LCN9: variants seen among roughly 807,000 people sequenced by gnomAD.
The protein encoded by LCN9 is lipocalin 9.
Under a neutral mutation model 18.5 loss-of-function variants are expected in LCN9, and 22 were observed. The observed-to-expected ratio is 1.19, with a 90% CI of 0.85 to 1.70. LCN9 has a LOEUF of 1.70. LCN9 is among the 40% of genes most tolerant of loss of function. The probability of loss-of-function intolerance (pLI) is 0.00; values close to 1 mark genes in which losing one functional copy is unlikely to be tolerated. For missense variants in LCN9, 202 were observed against 201.3 expected (o/e 1.00, Z -0.02); for synonymous variants, 89 against 83.0 (o/e 1.07, Z -0.39).
At chr9:135,666,387 T>C (rs1489558061) in exon 6 of LCN9, 6 of 458,670 alleles carry the variant, frequency 1.3e-5, no homozygotes, top group East Asian at 1.2e-4. Flanking sequence ...ACACTTGTCA[T>C]TGGATTTCGG....
At chr9:135,663,471 T>C in intron 1 of LCN9, 54 bp downstream of exon 1, 1 of 1,528,614 alleles carries the variant, frequency 6.5e-7, no homozygotes, top group Admixed American at 1.7e-5. Flanking sequence ...GGCACCTGTC[T>C]TCCCCCAGCC....
chr9:135,664,925 G>A lies in LCN9; in HGVS notation c.307+130G>A. 1 of 1,001,300 alleles carries A rather than the reference G, an allele frequency of 1.0e-6. No individual in the cohort carries two copies. Among genetic ancestry groups the A allele is most frequent in the Middle Eastern group, 2.4e-4 (1 of 4,098 alleles). The allele number at this position is 1,001,300 out of a possible 1,614,324, so 62.0% of individuals were successfully genotyped here. Reference sequence around the variant, plus strand: ...CCCCTGACAGCTTGACCCTGAACTGGAGGGACCCATCCTGGCACCTACCCA... The same window carrying A: ...CCCCTGACAGCTTGACCCTGAACTGAAGGGACCCATCCTGGCACCTACCCA... On this transcript the variant is annotated intron_variant, in intron 3 of 5. Coordinates refer to ENST00000619315, the Ensembl canonical transcript of LCN9. This position sits in a 1 kb window ranked among gnomAD's most constrained non-coding sequence, Gnocchi z 4.5.
chr9:135,666,026 A>G (rs1196817586), exon 6 of LCN9: 37 of 1,599,704 alleles, frequency 2.3e-5, no homozygotes, highest in Non-Finnish European at 3.1e-5. Context: ...TGGGAACCGA[A>G]CACAAGGTGC....
chr9:135,666,936 G>A (rs1326233390), exon 6 of LCN9, among the ~76,000 whole-genome samples: 2 of 152,204 alleles, frequency 1.3e-5, no homozygotes, highest in East Asian at 1.9e-4. Context: ...CCATGTTTTG[G>A]TGAATAAAAG....
chr9:135,665,884 A>G lies in LCN9; in HGVS notation c.*33A>G. The stretch of plus-strand genomic sequence containing the variant: ...AGATCCCTGCTACTCCAAGCATTAC[A>G]GGAGCCCGCCCAGGCCTCCCATGCG... On this transcript the variant is annotated 3_prime_UTR_variant, in exon 6 of 6. Coordinates refer to ENST00000619315, the Ensembl canonical transcript of LCN9. The surrounding 1 kb of genome is among the most constrained non-coding windows in gnomAD (Gnocchi z 5.9). 6.2e-7 allele frequency: 1 copy of G among 1,612,748 alleles called. No homozygotes were observed. The highest frequency in any genetic ancestry group is 1.3e-5 in the African/African-American group (1 of 74,974).
exon 6 of LCN9, chr9:135,666,163 A>G: frequency 6.4e-7 from 1 of 1,567,404 alleles, no homozygotes; most frequent in South Asian, 1.2e-5. Context: ...ATGTCACCAT[A>G]TGCGGGTGAC....
At position 135,664,135 on chromosome 9, in the gene LCN9, C is replaced by T. The variant is rs551230149; in HGVS notation, c.97-27C>T. ...ATCCCCAGGGCTGTCCCGCGGCCCC[C>T]CACCCACTGGAGCTCTTTGTCTTCA... On this transcript the variant is annotated intron_variant, in intron 1 of 5. Transcript: ENST00000619315. The surrounding 1 kb of genome is among the most constrained non-coding windows in gnomAD (Gnocchi z 4.5). 71 of 1,611,648 alleles carry T rather than the reference C, an allele frequency of 4.4e-5. No homozygotes were observed. The highest frequency in any genetic ancestry group is 8.9e-5 in the East Asian group (4 of 44,816).
At position 135,664,194 on chromosome 9, in the gene LCN9, C is replaced by T. The variant is rs772280108; in HGVS notation, c.129C>T (p.Ala43=). 35 of 1,613,624 alleles carry T rather than the reference C, an allele frequency of 2.2e-5. No homozygotes were observed. Among genetic ancestry groups the T allele is most frequent in the Non-Finnish European group, 5.9e-6 (7 of 1,179,760 alleles). ...GGGTCTGGTATTCTATTTTCATGGC[C>T]TCAGATGACCTGAATCGGATTAAAG... is the stretch of plus-strand genomic sequence containing the variant. Residue 43 remains alanine, a synonymous_variant, in exon 2 of 6, where the codon GCC becomes GCT. Transcript: ENST00000619315. The surrounding 1 kb of genome is among the most constrained non-coding windows in gnomAD (Gnocchi z 4.5).
Position 135,664,232 on chromosome 9 carries a change from T to G in LCN9, c.167T>G (p.Leu56Arg). The change falls in exon 2 of 6, where the codon CTG becomes CGG. Residue 56 changes from leucine (L) to arginine (R), a missense_variant. Physicochemically the swap from Leu to Arg is moderately radical, Grantham distance 102 (BLOSUM62 -2). Coordinates refer to ENST00000619315, the Ensembl canonical transcript of LCN9. The surrounding 1 kb of genome is among the most constrained non-coding windows in gnomAD (Gnocchi z 4.5). ...AATCGGATTAAAGAAAATGGAGACC[T>G]GAGGGTCTTCGTCCGGAATATTGAA... 6.2e-7 allele frequency: 1 copy of G among 1,613,332 alleles called. No individual in the cohort carries two copies. Among genetic ancestry groups the G allele is most frequent in the Non-Finnish European group, 8.5e-7 (1 of 1,179,424 alleles).
At position 135,665,940 on chromosome 9, in the gene LCN9, G is replaced by T; in HGVS notation, c.*89G>T. On this transcript the variant is annotated 3_prime_UTR_variant, in exon 6 of 6. Coordinates refer to ENST00000619315, the Ensembl canonical transcript of LCN9. The surrounding 1 kb of genome is among the most constrained non-coding windows in gnomAD (Gnocchi z 5.9). ...TGCGACTCGGGACGGGCAGGGGGCT[G>T]GATGGGGAGAGCTTGGGGCCAACGT... is the stretch of plus-strand genomic sequence containing the variant. 1 of 1,605,310 alleles carries T rather than the reference G, an allele frequency of 6.2e-7. No individual in the cohort carries two copies. The highest frequency in any genetic ancestry group is 8.5e-7 in the Non-Finnish European group (1 of 1,177,950).
Position 135,665,147 on chromosome 9 carries a change from C to A in LCN9, c.308-98C>A. The A allele has an allele frequency of 1.2e-6, 1 of 858,866 alleles. No individual in the cohort carries two copies. The allele number at this position is 858,866 out of a possible 1,614,324, so 53.2% of individuals were successfully genotyped here. A position where few individuals can be genotyped will look rare whatever the true frequency, so the allele number is the denominator to read the frequency against. ...GCTCCTCCCCTCCCGCCTCAAAAGG[C>A]CACTTGACCCCCCATCCTCACTTGC... On this transcript the variant is annotated intron_variant, in intron 3 of 5. Coordinates refer to ENST00000619315, the Ensembl canonical transcript of LCN9. This position sits in a 1 kb window ranked among gnomAD's most constrained non-coding sequence, Gnocchi z 5.9.
exon 6 of LCN9, among the ~76,000 whole-genome samples, chr9:135,666,929 T>G (rs951867240): frequency 1.3e-5 from 2 of 151,772 alleles, no homozygotes; most frequent in Admixed American, 1.3e-4. Flanking sequence ...CCCGCCTCCA[T>G]GTTTTGGTGA....
At position 135,665,363 on chromosome 9, in the gene LCN9, C is replaced by T. The variant is rs768316985; in HGVS notation, c.418+8C>T. The T allele has an allele frequency of 1.3e-5, 21 of 1,580,496 alleles. No homozygotes were observed. The highest frequency in any genetic ancestry group is 6.7e-5 in the African/African-American group (5 of 74,086). ...ACACGCTGGCGCTCTATGGTACCTC[C>T]GCTGTCCCCCTCTGACCCCCTCGGG... is the stretch of plus-strand genomic sequence containing the variant. On this transcript the variant is annotated splice_region_variant and intron_variant, in intron 4 of 5. Transcript: ENST00000619315. This position sits in a 1 kb window ranked among gnomAD's most constrained non-coding sequence, Gnocchi z 5.9.
rs151041662 is a variant in LCN9, at chr9:135,665,379, C to A, written c.418+24C>A. ...TGGTACCTCCGCTGTCCCCCTCTGACCCCCTCGGGGACCCCACCTCCTCTG... is the reference window on the plus strand; with the variant it reads ...TGGTACCTCCGCTGTCCCCCTCTGAACCCCTCGGGGACCCCACCTCCTCTG... On this transcript the variant is annotated intron_variant, in intron 4 of 5. Transcript: ENST00000619315. The surrounding 1 kb of genome is among the most constrained non-coding windows in gnomAD (Gnocchi z 5.9). 2,266 of 1,545,268 alleles carry A rather than the reference C, an allele frequency of 1.5e-3. 27 individuals carry two copies. In the African/African-American group the frequency reaches 0.027, roughly 18 times the overall value.
exon 6 of LCN9, among the ~76,000 whole-genome samples, chr9:135,666,915 C>T (rs142389952): frequency 1.8e-3 from 280 of 151,906 alleles, no homozygotes; most frequent in East Asian, 0.011. Context: ...CAGGTGCCTG[C>T]GCCCCCGCCT....
At position 135,664,734 on chromosome 9, in the gene LCN9, G is replaced by A. The variant is rs1449472438; in HGVS notation, c.246G>A (p.Glu82=). ...GGCTGGCTTCCAGGGTGCAGGGGGA[G>A]TGTGTGGCTGTGGTCGTGGTCTGCG... The change falls in exon 3 of 6, where the codon GAG becomes GAA. Residue 82 remains glutamate, a synonymous_variant. Coordinates refer to ENST00000619315, the Ensembl canonical transcript of LCN9. This position sits in a 1 kb window ranked among gnomAD's most constrained non-coding sequence, Gnocchi z 4.5. The A allele has an allele frequency of 1.3e-6, 2 of 1,597,620 alleles. No homozygotes were observed. The highest frequency in any genetic ancestry group is 1.7e-6 in the Non-Finnish European group (2 of 1,172,706).
chr9:135,664,607 A>C lies in LCN9; in HGVS notation c.234-115A>C. ...CAGCCCAAGAACTTGGGGCTGTGGA[A>C]TGAGGCCTGGGCATTGGGAGGGTGA... On this transcript the variant is annotated intron_variant, in intron 2 of 5. Transcript: ENST00000619315. This position sits in a 1 kb window ranked among gnomAD's most constrained non-coding sequence, Gnocchi z 4.5. The C allele has an allele frequency of 2.1e-6, 2 of 950,988 alleles. No homozygotes were observed. Among genetic ancestry groups the C allele is most frequent in the Non-Finnish European group, 3.1e-6 (2 of 646,298 alleles). The allele number at this position is 950,988 out of a possible 1,614,324, so 58.9% of individuals were successfully genotyped here. A position where few individuals can be genotyped will look rare whatever the true frequency, so the allele number is the denominator to read the frequency against.
exon 6 of LCN9, chr9:135,666,294 T>G (rs940437721): frequency 1.4e-6 from 1 of 698,248 alleles, no homozygotes; most frequent in African/African-American, 1.8e-5. Context: ...TTCCGGCTGC[T>G]GGGGGCTCCA....
At chr9:135,663,474 C>T in intron 1 of LCN9, 57 bp downstream of exon 1, 1 of 1,516,102 alleles carries the variant, frequency 6.6e-7, no homozygotes, top group Non-Finnish European at 9.2e-7. Flanking sequence ...ACCTGTCTTC[C>T]CCCAGCCTGG....
Sources: allele counts gnomAD v4.1 joint callset (sites outside exome capture counted in the v4.1 genomes callset), GRCh38; gene constraint gnomAD v4.1.1; non-coding constraint Gnocchi (gnomAD v3.1); transcripts MANE v1.5; gene names NCBI Gene and HGNC (gene_info 2026-07-23, HGNC 2026-07-21).